RPA3: variants seen among roughly 807,000 people sequenced by gnomAD.
The protein encoded by RPA3 is replication protein A 14 kDa subunit.
Under a neutral mutation model 13.7 loss-of-function variants are expected in RPA3, and 24 were observed. That is an observed-to-expected ratio of 1.75 (90% CI 1.27 to 2.46). The LOEUF is 2.46. Ranked by LOEUF, RPA3 falls within the 30% of genes most tolerant of loss-of-function variation. The pLI, the probability that RPA3 is intolerant of heterozygous loss-of-function variation, is 0.00. For missense variants in RPA3, 183 were observed against 151.0 expected (o/e 1.21, Z -1.11); for synonymous variants, 59 against 51.2 (o/e 1.15, Z -0.65).
intron 2 of RPA3, among the ~76,000 whole-genome samples, chr7:7,698,591 C>A (rs1490339813): frequency 2.0e-5 from 3 of 151,964 alleles, no homozygotes. Flanking sequence ...ACTGGAGATC[C>A]TGTTTAGGCA....
At chr7:7,646,699 G>A (rs1785103348) in intron 4 of RPA3, among the ~76,000 whole-genome samples, 1 of 151,850 alleles carries the variant, frequency 6.6e-6, no homozygotes, top group African/African-American at 2.4e-5. Flanking sequence ...GATGGAGTGG[G>A]AAGATGATCT....
At chr7:7,705,900 A>G (rs903818567) in intron 2 of RPA3, among the ~76,000 whole-genome samples, 5 of 152,130 alleles carry the variant, frequency 3.3e-5, no homozygotes, top group African/African-American at 4.8e-5. Flanking sequence ...GGCAGGAGTT[A>G]TATGGGAATT....
intron 4 of RPA3, among the ~76,000 whole-genome samples, chr7:7,656,509 C>G (rs1451272564): frequency 6.6e-6 from 1 of 152,086 alleles, no homozygotes; most frequent in Non-Finnish European, 1.5e-5. Context: ...ATGTTCCCCT[C>G]CCTGTGTCCA....
Position 7,640,380 on chromosome 7 carries a change from G to A in RPA3, c.39C>T (p.Asn13=), listed in dbSNP as rs1784937836. Reference sequence around the variant, plus strand: ...CGATGAATTGAGCTAGCATGCCGGCGTTGATGCGCGACCTGGGCAAGTCCA... The same window carrying A: ...CGATGAATTGAGCTAGCATGCCGGCATTGATGCGCGACCTGGGCAAGTCCA... ...DMMDLPRSRI[N]AGMLAQFIDK... The change falls in exon 5 of 8, where the codon AAC becomes AAT. Residue 13 remains asparagine, a synonymous_variant. Transcript: ENST00000223129. 1.2e-6 allele frequency: 2 copies of A among 1,613,926 alleles called. No individual in the cohort carries two copies. The highest frequency in any genetic ancestry group is 2.2e-5 in the East Asian group (1 of 44,896).
rs796407618 is a variant in RPA3 at position 7,655,110 on chromosome 7, G to A, written c.-757-13935C>T. Among the ~76,000 whole-genome samples, 14 of 152,180 alleles carry A rather than the reference G, an allele frequency of 9.2e-5. 1 individual carries two copies. Among genetic ancestry groups the A allele is most frequent in the African/African-American group, 3.1e-4 (13 of 41,508 alleles). ...ACAGCAATGATTCCAGACAGTTCCT[G>A]GTAGTAGATATCTTACATGCTAATG... On this transcript the variant is annotated intron_variant, in intron 4 of 7. Transcript: ENST00000223129.
intron 2 of RPA3, among the ~76,000 whole-genome samples, chr7:7,705,296 T>C (rs528210083): frequency 6.6e-6 from 1 of 152,218 alleles, no homozygotes; most frequent in Non-Finnish European, 1.5e-5. Context: ...TGGAAAAATA[T>C]CTGACTTATA....
At chr7:7,659,833 C>T (rs186841369) in intron 4 of RPA3, among the ~76,000 whole-genome samples, 42 of 152,134 alleles carry the variant, frequency 2.8e-4, no homozygotes, top group African/African-American at 1.0e-3. Flanking sequence ...GGTCCAGAGC[C>T]AAGTTCAAGT....
intron 4 of RPA3, among the ~76,000 whole-genome samples, chr7:7,664,941 C>T (rs1201264768): frequency 6.6e-6 from 1 of 152,088 alleles, no homozygotes; most frequent in East Asian, 1.9e-4. Context: ...TTTAATTTTT[C>T]AGCACTGTGA....
chr7:7,676,825 A>G (rs937567635), intron 4 of RPA3, among the ~76,000 whole-genome samples: 8 of 152,192 alleles, frequency 5.3e-5, no homozygotes, highest in African/African-American at 1.9e-4. Flanking sequence ...TGACAGATAA[A>G]GATCTTGACA....
chr7:7,666,236 C>T (rs1308063194), intron 4 of RPA3, among the ~76,000 whole-genome samples: 1 of 151,986 alleles, frequency 6.6e-6, no homozygotes, highest in Non-Finnish European at 1.5e-5. Flanking sequence ...GGTCTCATAG[C>T]CCTGTCACCC....
intron 4 of RPA3, among the ~76,000 whole-genome samples, chr7:7,665,498 C>T (rs1277467269): frequency 6.6e-6 from 1 of 152,176 alleles, no homozygotes; most frequent in Non-Finnish European, 1.5e-5. Flanking sequence ...CATGTGACAT[C>T]TAATTGTGTC....
chr7:7,643,299 C>G (rs1785016757), intron 4 of RPA3, among the ~76,000 whole-genome samples: 2 of 152,170 alleles, frequency 1.3e-5, no homozygotes, highest in African/African-American at 4.8e-5. Context: ...GGAAGGAAGC[C>G]TCAGATGGGC....
At chr7:7,675,769 G>A (rs151300512) in intron 4 of RPA3, among the ~76,000 whole-genome samples, 14 of 152,244 alleles carry the variant, frequency 9.2e-5, no homozygotes, top group East Asian at 1.9e-4. Context: ...CACTTCCGTC[G>A]TAGTTCCAGG....
chr7:7,665,085 A>G (rs1430108370), intron 4 of RPA3, among the ~76,000 whole-genome samples: 1 of 152,198 alleles, frequency 6.6e-6, no homozygotes, highest in African/African-American at 2.4e-5. Context: ...CATCAATCAC[A>G]CAGGAATTTT....
chr7:7,672,186 G>A (rs774583357), intron 4 of RPA3, among the ~76,000 whole-genome samples: 1 of 152,104 alleles, frequency 6.6e-6, no homozygotes, highest in Non-Finnish European at 1.5e-5. Context: ...CTGCCACCAG[G>A]ATTATTCTTT....
intron 4 of RPA3, among the ~76,000 whole-genome samples, chr7:7,654,148 G>C (rs929295283): frequency 2.6e-5 from 4 of 152,102 alleles, no homozygotes; most frequent in Non-Finnish European, 4.4e-5. Context: ...CAATTAAAAA[G>C]AAAACAAACA....
intron 2 of RPA3, among the ~76,000 whole-genome samples, chr7:7,714,055 A>T (rs961611780): frequency 6.6e-6 from 1 of 152,148 alleles, no homozygotes; most frequent in African/African-American, 2.4e-5. Flanking sequence ...ATGTTTTAAG[A>T]TTTCCAAAAA....
At chr7:7,699,333 G>A (rs1780401190) in intron 2 of RPA3, among the ~76,000 whole-genome samples, 1 of 151,984 alleles carries the variant, frequency 6.6e-6, no homozygotes, top group Admixed American at 6.6e-5. Context: ...ATATATTTAT[G>A]CTTTAATCAC....
At chr7:7,649,684 T>C (rs906010473) in intron 4 of RPA3, among the ~76,000 whole-genome samples, 1 of 131,990 alleles carries the variant, frequency 7.6e-6, no homozygotes, top group Non-Finnish European at 1.7e-5. Flanking sequence ...GTATTCTTGT[T>C]GGTGGGGGGG....
Sources: gnomAD v4.1 joint callset for allele counts (sites outside exome capture counted in the v4.1 genomes callset) on GRCh38, gnomAD v4.1.1 for gene constraint, MANE v1.5 for transcripts, NCBI Gene and HGNC (gene_info 2026-07-23, HGNC 2026-07-21) for gene names.